The following SLC37A1 variants were observed in gnomAD, a reference collection of about 807,000 sequenced individuals.
The protein encoded by SLC37A1 is glucose-6-phosphate exchanger SLC37A1.
A neutral mutation model predicts 75.3 loss-of-function variants in SLC37A1; 49 were observed. The ratio of observed to expected loss-of-function variants is 0.65; its 90% CI spans 0.52 to 0.83. The LOEUF is 0.83. Among genes scored for constraint, SLC37A1 ranks in the 40% least tolerant of loss-of-function variants. SLC37A1 has a pLI of 0.00. For synonymous variants in SLC37A1, 268 were observed against 292.1 expected (o/e 0.92, Z 0.84); for missense variants, 566 against 695.0 (o/e 0.81, Z 2.09).
chr21:42,561,886 C>G lies in SLC37A1; in HGVS notation c.982-192C>G, dbSNP rs372262889. ...GGTGCCCCTGCTCGGGGTGAGCGCT[C>G]CACTGTTCCCGCGTCCTCACTACAC... On this transcript the variant is annotated intron_variant, in intron 11 of 19. Transcript: ENST00000352133. 4.8e-5 allele frequency: 27 copies of G among 567,438 alleles called. 2 individuals carry two copies. The highest frequency in any genetic ancestry group is 8.6e-5 in the East Asian group (3 of 34,848). 35.2% of individuals were successfully genotyped at this position (567,438 alleles called of 1,614,324 possible). A position where few individuals can be genotyped will look rare whatever the true frequency, so the allele number is the denominator to read the frequency against.
chr21:42,520,185 T>G (rs781089993), intron 2 of SLC37A1, among the ~76,000 whole-genome samples: 3 of 152,238 alleles, frequency 2.0e-5, no homozygotes, highest in African/African-American at 7.2e-5. Flanking sequence ...CCACAGTCCA[T>G]GTTAAAAACA....
intron 6 of SLC37A1, among the ~76,000 whole-genome samples, chr21:42,540,915 G>A (rs1033412383): frequency 6.6e-6 from 1 of 152,218 alleles, no homozygotes; most frequent in Non-Finnish European, 1.5e-5. Context: ...GCATGTTTCT[G>A]GAGTGAAGGC....
Position 42,580,793 on chromosome 21 carries a change from G to A in SLC37A1, c.*433G>A. On this transcript the variant is annotated 3_prime_UTR_variant, in exon 20 of 20. Coordinates refer to ENST00000352133, the MANE Select transcript of SLC37A1 (RefSeq NM_001320537.2). ...TTCAGAGAACCTGTATGTGCCACAT[G>A]GAAAAACAGGACACCAGAGCCCACC... 5.1e-6 allele frequency: 1 copy of A among 196,522 alleles called. No individual in the cohort carries two copies. Among genetic ancestry groups the A allele is most frequent in the South Asian group, 9.2e-5 (1 of 10,908 alleles). The allele number at this position is 196,522 out of a possible 1,614,324, so 12.2% of individuals were successfully genotyped here.
At chr21:42,505,972 G>C (rs901254962) in intron 2 of SLC37A1, among the ~76,000 whole-genome samples, 2 of 152,166 alleles carry the variant, frequency 1.3e-5, no homozygotes, top group Non-Finnish European at 2.9e-5. Flanking sequence ...AGAAGAAACT[G>C]GAGCACAAAT....
intron 10 of SLC37A1, 64 bp downstream of exon 10, chr21:42,554,206 C>T (rs2055626597): frequency 4.2e-6 from 6 of 1,443,788 alleles, no homozygotes; most frequent in East Asian, 2.3e-5. Context: ...CTTTGAGCCA[C>T]GTCGGCTCTC....
In SLC37A1 at chr21:42,552,405, G is replaced by A. The variant is rs1461718864; in HGVS notation, c.769-1657G>A. ...CTCTTCTATTCAAGAAATCTGGAGA[G>A]AGCCAGCCCAGGATGATGTGGGGTG... On this transcript the variant is annotated intron_variant, in intron 9 of 19. Coordinates refer to ENST00000352133, the MANE Select transcript of SLC37A1 (RefSeq NM_001320537.2). The surrounding 1 kb of genome is among the most constrained non-coding windows in gnomAD (Gnocchi z 4.2). Among the ~76,000 whole-genome samples the A allele has an allele frequency of 1.3e-5, 2 of 152,250 alleles. No individual in the cohort carries two copies. Among genetic ancestry groups the A allele is most frequent in the Non-Finnish European group, 2.9e-5 (2 of 68,046 alleles).
intron 2 of SLC37A1, among the ~76,000 whole-genome samples, chr21:42,522,089 G>A (rs555336990): frequency 2.0e-5 from 3 of 152,266 alleles, no homozygotes; most frequent in South Asian, 2.1e-4. Flanking sequence ...CTCCCTTCCT[G>A]TCTCTGAGTC....
intron 3 of SLC37A1, among the ~76,000 whole-genome samples, chr21:42,530,595 TACAC>T (rs71190427): frequency 0.03 from 3,084 of 102,914 alleles, 56 homozygotes; most frequent in East Asian, 0.065. Flanking sequence ...ATGCAGATGA[TACAC>T]ACACACACAC....
chr21:42,578,797 C>G (rs1308528809), intron 18 of SLC37A1, among the ~76,000 whole-genome samples: 1 of 152,188 alleles, frequency 6.6e-6, no homozygotes, highest in Non-Finnish European at 1.5e-5. Context: ...ACTTGAACCA[C>G]AAGCACCTAA....
At chr21:42,554,885 C>G (rs77999634) in intron 10 of SLC37A1, among the ~76,000 whole-genome samples, 21,298 of 152,038 alleles carry the variant, frequency 0.14, 2,133 homozygotes, top group African/African-American at 0.28. Context: ...GCTGACCACA[C>G]CAAGCTGCAG....
Position 42,564,708 on chromosome 21 carries a change from G to T in SLC37A1, c.1136G>T (p.Gly379Val). ...CCTGAAGCCCGCCTCTCCGTTGCAG[G>T]TGGGATCCTGGCAGGTGTGATCTCA... ...STLFDVGGIF[G>V]GILAGVISDR... is the part of the protein sequence containing the mutation. Residue 379 changes from glycine to valine, a missense_variant and splice_region_variant, in exon 14 of 20, where the codon GGT (glycine) becomes GTT (valine). Transcript: ENST00000352133. The T allele has an allele frequency of 6.2e-7, 1 of 1,611,102 alleles. No homozygotes were observed. Among genetic ancestry groups the T allele is most frequent in the Non-Finnish European group, 8.5e-7 (1 of 1,179,796 alleles).
intron 3 of SLC37A1, among the ~76,000 whole-genome samples, chr21:42,531,816 T>A (rs2054989540): frequency 6.6e-6 from 1 of 152,226 alleles, no homozygotes; most frequent in African/African-American, 2.4e-5. Flanking sequence ...TATGTAAATA[T>A]CCTCAGAACT....
At chr21:42,515,037 TC>T (rs1473994987) in intron 1 of SLC37A1, 1 of 152,258 alleles carries the variant, frequency 6.6e-6, no homozygotes, top group Non-Finnish European at 1.5e-5. Context: ...ATTCACCAAG[TC>T]ATTTTGGACC....
At chr21:42,544,167 C>T (rs1213072908) in intron 8 of SLC37A1, among the ~76,000 whole-genome samples, 1 of 152,222 alleles carries the variant, frequency 6.6e-6, no homozygotes, top group East Asian at 1.9e-4. Flanking sequence ...AGGACAGTTA[C>T]AGCAAGAATA....
chr21:42,577,108 C>A (rs1380409204), intron 18 of SLC37A1, among the ~76,000 whole-genome samples: 1 of 152,138 alleles, frequency 6.6e-6, no homozygotes, highest in Admixed American at 6.5e-5. Flanking sequence ...GAAGTGAAAA[C>A]ATTTTTAACC....
upstream of SLC37A1, among the ~76,000 whole-genome samples, chr21:42,513,436 T>C (rs1375041884): frequency 1.3e-5 from 2 of 152,120 alleles, no homozygotes; most frequent in Admixed American, 6.5e-5. Context: ...ACAATAGGAA[T>C]AGAAGCCGGG....
At chr21:42,511,251 A>G (rs113870001), upstream of SLC37A1, among the ~76,000 whole-genome samples, 1,499 of 152,352 alleles carry the variant, frequency 9.8e-3, 26 homozygotes, top group African/African-American at 0.034. Context: ...GGGTCAAAGA[A>G]GATATCAAAA....
rs1340610285 is a variant in SLC37A1, at chr21:42,539,582, A to G, written c.421A>G (p.Thr141Ala). The change falls in exon 6 of 20, where the codon ACC (threonine) becomes GCC (alanine). Residue 141 changes from threonine to alanine, a missense_variant. Physicochemically the swap from Thr to Ala is moderately conservative, Grantham distance 58. Coordinates refer to ENST00000352133, the MANE Select transcript of SLC37A1 (RefSeq NM_001320537.2). ...TFGMLASGAF[T>A]ALFGLGYFYN... is the part of the protein sequence containing the mutation. ...CGGGATGCTCGCCAGCGGAGCCTTCACCGCCCTGTTCGGCTTAGGGTATTT... is the reference window on the plus strand; with the variant it reads ...CGGGATGCTCGCCAGCGGAGCCTTCGCCGCCCTGTTCGGCTTAGGGTATTT... 2.5e-6 allele frequency: 4 copies of G among 1,613,980 alleles called. No individual in the cohort carries two copies. In the South Asian group the frequency reaches 3.3e-5, roughly 13 times the overall value.
intron 17 of SLC37A1, among the ~76,000 whole-genome samples, chr21:42,569,939 C>CGCTGCT (rs543096357): frequency 1.4e-4 from 21 of 152,282 alleles, no homozygotes; most frequent in African/African-American, 5.1e-4. Flanking sequence ...CCCAGCTCCA[C>CGCTGCT]GCTGCTGCTG....
Sources: allele counts gnomAD v4.1 joint callset (sites outside exome capture counted in the v4.1 genomes callset), GRCh38; gene constraint gnomAD v4.1.1; non-coding constraint Gnocchi (gnomAD v3.1); transcripts MANE v1.5; gene names NCBI Gene and HGNC (gene_info 2026-07-23, HGNC 2026-07-21).